COMMD10: variants seen among roughly 807,000 people sequenced by gnomAD.
COMMD10 encodes the protein COMM domain containing 10, also known as COMM domain-containing protein 10.
In COMMD10, 33 loss-of-function variants were observed where a neutral mutation model predicts 28.9. The observed-to-expected ratio is 1.14, with a 90% confidence interval of 0.87 to 1.53. The LOEUF (loss-of-function observed/expected upper bound fraction) is 1.53, where lower values mean the gene tolerates loss of function less well. Ranked by LOEUF, COMMD10 falls within the 40% of genes most tolerant of loss-of-function variation. The probability of loss-of-function intolerance (pLI) is 0.00; values close to 1 mark genes in which losing one functional copy is unlikely to be tolerated. For synonymous variants in COMMD10, 110 were observed against 81.7 expected (o/e 1.35, Z -1.87); for missense variants, 310 against 233.4 (o/e 1.33, Z -2.14).
intron 5 of COMMD10, among the ~76,000 whole-genome samples, chr5:116,240,936 T>A (rs1227098087): frequency 6.6e-6 from 1 of 152,162 alleles, no homozygotes; most frequent in Non-Finnish European, 1.5e-5. Flanking sequence ...TTAATTTTCC[T>A]CTATGTCTTT....
intron 5 of COMMD10, among the ~76,000 whole-genome samples, chr5:116,162,755 C>T (rs1357890764): frequency 1.3e-5 from 2 of 152,098 alleles, no homozygotes; most frequent in Non-Finnish European, 2.9e-5. Flanking sequence ...GTTGAGAAAC[C>T]TAAGTGTTTT....
chr5:116,169,829 G>A (rs916846421), intron 5 of COMMD10, among the ~76,000 whole-genome samples: 1 of 152,020 alleles, frequency 6.6e-6, no homozygotes, highest in African/African-American at 2.4e-5. Flanking sequence ...GGTACTGATG[G>A]GACGTATCTC....
intron 4 of COMMD10, among the ~76,000 whole-genome samples, chr5:116,106,552 T>A (rs533879348): frequency 1.3e-5 from 2 of 152,314 alleles, no homozygotes; most frequent in East Asian, 3.9e-4. Context: ...TGATTTTCTG[T>A]CTTTTTGATC....
chr5:116,097,495 T>G (rs1022002789), intron 4 of COMMD10, among the ~76,000 whole-genome samples: 2 of 152,234 alleles, frequency 1.3e-5, no homozygotes, highest in Admixed American at 1.3e-4. Flanking sequence ...AATAGTCACA[T>G]TCCTAAGCTA....
chr5:116,277,277 A>G (rs933423086), intron 5 of COMMD10, among the ~76,000 whole-genome samples: 32 of 151,978 alleles, frequency 2.1e-4, no homozygotes, highest in African/African-American at 7.8e-4. Flanking sequence ...AACTCATTTA[A>G]ACCATGTACT....
intron 4 of COMMD10, among the ~76,000 whole-genome samples, chr5:116,093,781 C>T (rs1441970023): frequency 2.6e-5 from 4 of 152,138 alleles, no homozygotes; most frequent in Non-Finnish European, 5.9e-5. Context: ...ACTTGTATTA[C>T]AAGGCTATAG....
chr5:116,210,139 AC>A (rs1748920895), intron 5 of COMMD10, among the ~76,000 whole-genome samples: 2 of 152,290 alleles, frequency 1.3e-5, no homozygotes, highest in South Asian at 4.1e-4. Flanking sequence ...TCCTGCAATA[AC>A]AGTCTTAATC....
chr5:116,153,734 G>A (rs1752612880), intron 5 of COMMD10, among the ~76,000 whole-genome samples: 1 of 151,960 alleles, frequency 6.6e-6, no homozygotes, highest in African/African-American at 2.4e-5. Flanking sequence ...TTTTAAGTGT[G>A]GGCCATGGCT....
intron 4 of COMMD10, among the ~76,000 whole-genome samples, chr5:116,118,873 A>G (rs540693180): frequency 6.6e-6 from 1 of 152,350 alleles, no homozygotes; most frequent in South Asian, 2.1e-4. Context: ...TGCATAAGTA[A>G]TTGGCTGAAA....
rs569553617 is a variant in COMMD10, at chr5:116,086,332, T to C, written c.42-1165T>C. Among the ~76,000 whole-genome samples the C allele has an allele frequency of 2.1e-3, 319 of 152,282 alleles. 4 individuals are homozygous for C. The highest frequency in any genetic ancestry group is 7.3e-3 in the African/African-American group (304 of 41,588). On this transcript the variant is annotated intron_variant, in intron 1 of 6. Transcript: ENST00000274458. ...GGGGAACACCGCTACATCAGTAAAC[T>C]GTATCCAATATGGTGCAGTATAGAA...
At chr5:116,247,597 G>T (rs1305516612) in intron 5 of COMMD10, among the ~76,000 whole-genome samples, 1 of 152,092 alleles carries the variant, frequency 6.6e-6, no homozygotes, top group Admixed American at 6.6e-5. Flanking sequence ...TAAAGAAAAT[G>T]TGGTACATAC....
chr5:116,136,542 C>T (rs916009396), intron 5 of COMMD10, among the ~76,000 whole-genome samples: 1 of 152,184 alleles, frequency 6.6e-6, no homozygotes, highest in African/African-American at 2.4e-5. Flanking sequence ...TCAAGTCCTT[C>T]TAGCTTCTTT....
At position 116,196,498 on chromosome 5, in the gene COMMD10, AT is replaced by A. The variant is rs1465194446; in HGVS notation, c.510+62321del. ...CTGTACCCCAGTAACTTATGGAAAA[AT>A]AAATATGTTAAAAAAAAAAAGTAAT... On this transcript the variant is annotated intron_variant, in intron 5 of 6. Coordinates refer to ENST00000274458, the MANE Select transcript of COMMD10 (RefSeq NM_016144.4). Among the ~76,000 whole-genome samples the A allele has an allele frequency of 7.3e-5, 10 of 137,606 alleles. No individual in the cohort carries two copies. The East Asian group carries it at 2.0e-3, about 27-fold the overall frequency. 90.3% of individuals were successfully genotyped at this position (137,606 alleles called of 152,430 possible). A position where few individuals can be genotyped will look rare whatever the true frequency, so the allele number is the denominator to read the frequency against.
chr5:116,203,604 G>T (rs1748730872), intron 5 of COMMD10, among the ~76,000 whole-genome samples: 1 of 152,050 alleles, frequency 6.6e-6, no homozygotes, highest in African/African-American at 2.4e-5. Flanking sequence ...TTAAAGAAAA[G>T]AATTTTCAAC....
intron 5 of COMMD10, among the ~76,000 whole-genome samples, chr5:116,192,262 ACCC>A (rs35913184): frequency 0.11 from 15,939 of 143,178 alleles, 1,001 homozygotes; most frequent in African/African-American, 0.16. Context: ...CTCTTTAACA[ACCC>A]CCCCCCCCAA....
chr5:116,224,665 T>TCC (rs150537575), intron 5 of COMMD10, among the ~76,000 whole-genome samples: 2,449 of 152,092 alleles, frequency 0.016, 71 homozygotes, highest in African/African-American at 0.057. Flanking sequence ...TGAGGGATCT[T>TCC]CCCCCAAGCC....
intron 4 of COMMD10, among the ~76,000 whole-genome samples, chr5:116,109,850 C>T (rs1313315556): frequency 1.3e-5 from 2 of 152,110 alleles, no homozygotes; most frequent in African/African-American, 2.4e-5. Flanking sequence ...TCTCTTTTCC[C>T]ATTTAGAAGC....
intron 5 of COMMD10, among the ~76,000 whole-genome samples, chr5:116,204,815 A>T (rs762281189): frequency 2.0e-5 from 3 of 152,232 alleles, no homozygotes; most frequent in Non-Finnish European, 4.4e-5. Context: ...GGTATACGGT[A>T]TTAAAGAAGA....
chr5:116,113,285 T>C (rs13176710), intron 4 of COMMD10, among the ~76,000 whole-genome samples: 12,791 of 151,994 alleles, frequency 0.084, 697 homozygotes, highest in Non-Finnish European at 0.13. Flanking sequence ...ATATGTTGTA[T>C]TGAAGTCCCT....
Sources: allele counts gnomAD v4.1 joint callset (sites outside exome capture counted in the v4.1 genomes callset), GRCh38; gene constraint gnomAD v4.1.1; transcripts MANE v1.5; gene names NCBI Gene and HGNC (gene_info 2026-07-23, HGNC 2026-07-21).